Variants in SPATA7 observed in about 807,000 individuals in gnomAD.
The protein encoded by SPATA7 is spermatogenesis associated 7.
In SPATA7, 43 loss-of-function variants were observed where a neutral mutation model predicts 51.8. The ratio of observed to expected loss-of-function variants is 0.83; its 90% CI spans 0.65 to 1.07. SPATA7 has a LOEUF of 1.07. SPATA7 is among the 50% of genes least tolerant of loss of function. The probability of loss-of-function intolerance (pLI) is 0.00; values close to 1 mark genes in which losing one functional copy is unlikely to be tolerated. For missense variants in SPATA7, 683 were observed against 701.3 expected (o/e 0.97, Z 0.30); for synonymous variants, 230 against 252.8 (o/e 0.91, Z 0.86).
At chr14:88,457,380 T>G (rs142009379), downstream of SPATA7, among the ~76,000 whole-genome samples, 1,197 of 152,282 alleles carry the variant, frequency 7.9e-3, 14 homozygotes, top group African/African-American at 0.028. Context: ...TTGCATTTGT[T>G]TGTGTCTTCT....
intron 4 of SPATA7, among the ~76,000 whole-genome samples, chr14:88,412,789 C>T (rs2076378543): frequency 6.6e-6 from 1 of 152,158 alleles, no homozygotes. Flanking sequence ...TTGCATTGCA[C>T]AAGCTTTTTA....
intron 10 of SPATA7, among the ~76,000 whole-genome samples, chr14:88,434,874 T>A (rs1235345057): frequency 1.3e-5 from 2 of 152,106 alleles, no homozygotes; most frequent in Non-Finnish European, 2.9e-5. Flanking sequence ...TAATAAAAAA[T>A]TGTGAAATAA....
chr14:88,390,255 A>T (rs951387206), intron 1 of SPATA7, among the ~76,000 whole-genome samples: 17 of 144,818 alleles, frequency 1.2e-4, no homozygotes, highest in Admixed American at 2.8e-4. Flanking sequence ...TAAAATGGGA[A>T]TTTTTTTTTT....
chr14:88,420,387 A>C (rs2076608524), intron 5 of SPATA7, among the ~76,000 whole-genome samples: 1 of 152,168 alleles, frequency 6.6e-6, no homozygotes, highest in Non-Finnish European at 1.5e-5. Context: ...TGGGATACTT[A>C]TCTCTCTCCA....
chr14:88,405,297 A>G (rs2076172886), intron 4 of SPATA7, among the ~76,000 whole-genome samples: 1 of 152,218 alleles, frequency 6.6e-6, no homozygotes, highest in Non-Finnish European at 1.5e-5. Context: ...GCCATTGCAA[A>G]GACTTTGGCC....
chr14:88,405,857 G>T (rs550134331), intron 4 of SPATA7, among the ~76,000 whole-genome samples: 1 of 152,118 alleles, frequency 6.6e-6, no homozygotes, highest in Non-Finnish European at 1.5e-5. Flanking sequence ...GCATATAGGG[G>T]GTATTTAAAG....
In SPATA7 at chr14:88,437,949, A is replaced by G. The variant is rs757538739; in HGVS notation, c.1327A>G (p.Lys443Glu). ...VDMLNVFDFEKAGNSEPNELK... is the reference protein window; with the variant it reads ...VDMLNVFDFEEAGNSEPNELK... ...TATGTTGAATGTATTTGATTTTGAA[A>G]AGGCTGGGAATTCAGAACCAAATGA... The change falls in exon 12 of 12, where the codon AAG becomes GAG. Residue 443 changes from lysine to glutamate, a missense_variant. Transcript: ENST00000393545. The G allele has an allele frequency of 6.2e-7, 1 of 1,614,006 alleles. No homozygotes were observed. Among genetic ancestry groups the G allele is most frequent in the Non-Finnish European group, 8.5e-7 (1 of 1,179,978 alleles).
chr14:88,393,382 T>C lies in SPATA7; in HGVS notation c.95-11T>C, dbSNP rs781482943. Reference sequence around the variant, plus strand: ...GTTTTAAATATATAATGATTATGTTTTAATTTTTAGCTTTTTGCACTGACT... The same window carrying C: ...GTTTTAAATATATAATGATTATGTTCTAATTTTTAGCTTTTTGCACTGACT... On this transcript the variant is annotated splice_polypyrimidine_tract_variant and intron_variant, in intron 2 of 11. Coordinates refer to ENST00000393545, the MANE Select transcript of SPATA7 (RefSeq NM_018418.5). The C allele has an allele frequency of 1.3e-6, 2 of 1,546,536 alleles. No homozygotes were observed. Among genetic ancestry groups the C allele is most frequent in the East Asian group, 2.4e-5 (1 of 42,022 alleles).
chr14:88,424,235 A>G (rs985787793), intron 5 of SPATA7, among the ~76,000 whole-genome samples: 1 of 152,214 alleles, frequency 6.6e-6, no homozygotes, highest in African/African-American at 2.4e-5. Context: ...TCTTTATCCA[A>G]GTTTCATGAT....
chr14:88,436,826 A>T (rs955388740), intron 10 of SPATA7, among the ~76,000 whole-genome samples: 1 of 152,076 alleles, frequency 6.6e-6, no homozygotes, highest in African/African-American at 2.4e-5. Context: ...TGGTTACTGT[A>T]GCTCTGTACT....
intron 1 of SPATA7, among the ~76,000 whole-genome samples, chr14:88,386,956 G>T (rs529334753): frequency 1.3e-5 from 2 of 152,286 alleles, no homozygotes; most frequent in East Asian, 3.9e-4. Flanking sequence ...AACGCTTTAT[G>T]ATCTTAAGAA....
intron 5 of SPATA7, among the ~76,000 whole-genome samples, chr14:88,418,858 A>T (rs2076557936): frequency 6.6e-6 from 1 of 152,118 alleles, no homozygotes; most frequent in Non-Finnish European, 1.5e-5. Context: ...TTTCCTTAGT[A>T]TCTGTTTGTT....
chr14:88,432,973 A>G, intron 9 of SPATA7, 162 bp from the exon 10 acceptor site: 1 of 605,732 alleles, frequency 1.7e-6, no homozygotes, highest in Non-Finnish European at 2.9e-6. Context: ...TAATTTGAGA[A>G]GGTAGACATG....
intron 4 of SPATA7, among the ~76,000 whole-genome samples, chr14:88,405,223 A>G (rs940340778): frequency 2.6e-5 from 4 of 152,240 alleles, no homozygotes; most frequent in African/African-American, 9.6e-5. Context: ...GAATAAGCCA[A>G]CTGAAGAGTA....
intron 3 of SPATA7, among the ~76,000 whole-genome samples, chr14:88,453,605 A>G (rs2077266272): frequency 6.6e-6 from 1 of 152,220 alleles, no homozygotes; most frequent in Non-Finnish European, 1.5e-5. Flanking sequence ...CTCGGACTAA[A>G]TGATCCAAAG....
At chr14:88,427,556 C>A in intron 6 of SPATA7, 74 bp from the exon 7 acceptor site, 1 of 955,750 alleles carries the variant, frequency 1.0e-6, no homozygotes, top group African/African-American at 1.7e-5. Context: ...TTTATTTTTT[C>A]TAGCCAGTAA....
At chr14:88,432,165 C>T (rs2076959975) in intron 9 of SPATA7, among the ~76,000 whole-genome samples, 1 of 152,018 alleles carries the variant, frequency 6.6e-6, no homozygotes, top group African/African-American at 2.4e-5. Flanking sequence ...AGGTTTCTAA[C>T]CTCAGCAGTT....
At chr14:88,385,910 G>A in intron 1 of SPATA7, 73 bp downstream of exon 1, 8 of 1,537,346 alleles carry the variant, frequency 5.2e-6, no homozygotes, top group Non-Finnish European at 7.0e-6. Flanking sequence ...CTCGGGTCCG[G>A]GCAGCTGAGT....
At position 88,407,492 on chromosome 14, in the gene SPATA7, G is replaced by A. The variant is rs189639676; in HGVS notation, c.239-9219G>A. Among the ~76,000 whole-genome samples, 656 of 151,874 alleles carry A rather than the reference G, an allele frequency of 4.3e-3. 10 individuals are homozygous for A. Among genetic ancestry groups the A allele is most frequent in the African/African-American group, 0.015 (622 of 41,474 alleles). On this transcript the variant is annotated intron_variant, in intron 4 of 11. Coordinates refer to ENST00000393545, the MANE Select transcript of SPATA7 (RefSeq NM_018418.5). Reference sequence around the variant, plus strand: ...TTTCTTGTAAATTTAAGTTCCTTGTGGATTCTGGATATTAGCCCTTTGTCA... The same window carrying A: ...TTTCTTGTAAATTTAAGTTCCTTGTAGATTCTGGATATTAGCCCTTTGTCA...
Sources: gnomAD v4.1 joint callset for allele counts (sites outside exome capture counted in the v4.1 genomes callset) on GRCh38, gnomAD v4.1.1 for gene constraint, MANE v1.5 for transcripts, NCBI Gene and HGNC (gene_info 2026-07-23, HGNC 2026-07-21) for gene names.